FMN1: variants seen among roughly 807,000 people sequenced by gnomAD.
FMN1 encodes formin 1.
FMN1 carries 110 observed loss-of-function variants against 132.4 expected under a neutral mutation model. That is an observed-to-expected ratio of 0.83 (90% CI 0.71 to 0.97). The LOEUF (loss-of-function observed/expected upper bound fraction) is 0.97. FMN1 is among the 50% of genes least tolerant of loss of function. The probability of loss-of-function intolerance (pLI) is 0.00; values close to 1 mark genes in which losing one functional copy is unlikely to be tolerated. For missense variants in FMN1, 1,792 were observed against 1,705.3 expected (o/e 1.05, Z -0.90); for synonymous variants, 722 against 651.7 (o/e 1.11, Z -1.64).
rs1480976624 is a variant in FMN1, at chr15:32,804,135, T to G, written c.3980+146A>C. On this transcript the variant is annotated intron_variant, in intron 18 of 20. Coordinates refer to ENST00000616417, the MANE Select transcript of FMN1 (RefSeq NM_001277313.2). ...ACAGGGGAGTGGGGAATGGGGAATT[T>G]GTGTTTAAAGGGTATAAAGTTTCAG... 32 of 620,102 alleles carry G rather than the reference T, an allele frequency of 5.2e-5. No homozygotes were observed. In the South Asian group the frequency reaches 6.4e-4, roughly 12 times the overall value. The allele number at this position is 620,102 out of a possible 1,614,324, so 38.4% of individuals were successfully genotyped here.
intron 16 of FMN1, among the ~76,000 whole-genome samples, chr15:32,858,062 G>C (rs1271881313): frequency 6.6e-6 from 1 of 152,162 alleles, no homozygotes; most frequent in Non-Finnish European, 1.5e-5. Flanking sequence ...TCACCATAAA[G>C]ATATCATGCC....
intron 4 of FMN1, among the ~76,000 whole-genome samples, chr15:33,123,151 G>A (rs1040956289): frequency 2.0e-5 from 3 of 151,068 alleles, no homozygotes; most frequent in South Asian, 2.1e-4. Context: ...ATCTATTTGC[G>A]CAATGTTTTC....
At chr15:32,922,532 T>A (rs2060856157) in intron 10 of FMN1, among the ~76,000 whole-genome samples, 3 of 152,174 alleles carry the variant, frequency 2.0e-5, no homozygotes, top group African/African-American at 7.2e-5. Flanking sequence ...ATGGAGAGTG[T>A]AGGCTGTGTT....
intron 7 of FMN1, among the ~76,000 whole-genome samples, chr15:32,999,987 G>A (rs914818360): frequency 6.6e-6 from 1 of 152,168 alleles, no homozygotes; most frequent in East Asian, 1.9e-4. Context: ...CCTTTCCAGA[G>A]CTGCATCCCT....
chr15:32,888,654 T>C (rs2059951629), intron 15 of FMN1, among the ~76,000 whole-genome samples: 1 of 152,226 alleles, frequency 6.6e-6, no homozygotes, highest in South Asian at 2.1e-4. Flanking sequence ...CCATTTGATT[T>C]ACACATGCTA....
chr15:33,120,043 A>G (rs1179089097), intron 4 of FMN1, among the ~76,000 whole-genome samples: 2 of 152,146 alleles, frequency 1.3e-5, no homozygotes, highest in Non-Finnish European at 2.9e-5. Flanking sequence ...GGGGAAACTA[A>G]GAGATTAGCA....
At chr15:33,093,219 T>C (rs1032614906) in intron 4 of FMN1, among the ~76,000 whole-genome samples, 5 of 152,222 alleles carry the variant, frequency 3.3e-5, no homozygotes, top group African/African-American at 4.8e-5. Flanking sequence ...AACCCTAAGC[T>C]TAAAACTCTC....
intron 2 of FMN1, among the ~76,000 whole-genome samples, chr15:33,186,468 C>T (rs1224254358): frequency 6.6e-6 from 1 of 151,096 alleles, no homozygotes; most frequent in South Asian, 2.1e-4. Flanking sequence ...CAAAACAGTG[C>T]TGACAGTTTT....
chr15:32,774,470 G>C (rs2056351429), intron 20 of FMN1, 116 bp from the exon 21 acceptor site: 7 of 753,652 alleles, frequency 9.3e-6, no homozygotes, highest in Non-Finnish European at 1.6e-5. Context: ...AAATGGCCTA[G>C]AAATGAGAGT....
chr15:32,917,890 G>C (rs1255204645), intron 10 of FMN1, among the ~76,000 whole-genome samples: 1 of 152,188 alleles, frequency 6.6e-6, no homozygotes, highest in African/African-American at 2.4e-5. Context: ...CCCAGAGTGG[G>C]AAGCACATAC....
intron 5 of FMN1, chr15:33,066,441 G>T: frequency 7.8e-7 from 1 of 1,285,812 alleles, no homozygotes; most frequent in Non-Finnish European, 1.1e-6. Context: ...ATTCACTTTG[G>T]GAGGAAACCT....
At chr15:33,098,231 G>C (rs1489408693) in intron 4 of FMN1, among the ~76,000 whole-genome samples, 1 of 152,210 alleles carries the variant, frequency 6.6e-6, no homozygotes, top group Non-Finnish European at 1.5e-5. Flanking sequence ...GAAACTGATA[G>C]CCTTACTTCA....
At chr15:33,182,896 C>T (rs373436367) in intron 2 of FMN1, among the ~76,000 whole-genome samples, 3 of 152,164 alleles carry the variant, frequency 2.0e-5, no homozygotes, top group African/African-American at 7.2e-5. Flanking sequence ...AAACATTTTG[C>T]CTGAATTATT....
chr15:33,012,846 T>C (rs1434071130), intron 6 of FMN1: 2 of 616,446 alleles, frequency 3.2e-6, no homozygotes, highest in Non-Finnish European at 6.1e-6. Context: ...GGGGTGGCTA[T>C]AATGAATTTG....
intron 18 of FMN1, among the ~76,000 whole-genome samples, chr15:32,802,030 A>G (rs1201940154): frequency 6.6e-6 from 1 of 152,234 alleles, no homozygotes; most frequent in Non-Finnish European, 1.5e-5. Context: ...AACCAGGAGA[A>G]TTTTCTCTAA....
intron 9 of FMN1, among the ~76,000 whole-genome samples, chr15:32,962,385 A>T (rs2030670556): frequency 6.6e-6 from 1 of 152,018 alleles, no homozygotes; most frequent in South Asian, 2.1e-4. Flanking sequence ...AAACCATAAA[A>T]ACCCTAGAAG....
intron 19 of FMN1, among the ~76,000 whole-genome samples, chr15:32,793,353 C>A (rs1270832991): frequency 6.6e-6 from 1 of 152,006 alleles, no homozygotes; most frequent in Non-Finnish European, 1.5e-5. Context: ...GATCTCGGCT[C>A]ACTGCAACCT....
At chr15:33,014,403 A>C (rs535252797) in intron 6 of FMN1, among the ~76,000 whole-genome samples, 20 of 152,348 alleles carry the variant, frequency 1.3e-4, no homozygotes, top group Non-Finnish European at 1.5e-5. Flanking sequence ...ATTGGTATTC[A>C]GTAGCTCTGG....
chr15:32,890,482 T>C (rs2060000951), intron 15 of FMN1, among the ~76,000 whole-genome samples: 1 of 152,262 alleles, frequency 6.6e-6, no homozygotes, highest in South Asian at 2.1e-4. Flanking sequence ...TAAGGCAGTA[T>C]CGCATTGTGG....
Sources: allele counts gnomAD v4.1 joint callset (sites outside exome capture counted in the v4.1 genomes callset), GRCh38; gene constraint gnomAD v4.1.1; transcripts MANE v1.5; gene names NCBI Gene and HGNC (gene_info 2026-07-23, HGNC 2026-07-21).